The following TAF3 variants were observed in gnomAD, a reference collection of about 807,000 sequenced individuals.
TAF3 encodes the protein transcription initiation factor TFIID subunit 3.
In TAF3, 7 loss-of-function variants were observed where a neutral mutation model predicts 80.6. The observed-to-expected ratio is 0.09, with a 90% CI of 0.05 to 0.16. The LOEUF is 0.16. Among genes scored for constraint, TAF3 ranks in the 10% least tolerant of loss-of-function variants. The pLI, the probability that TAF3 is intolerant of heterozygous loss-of-function variation, is 1.00. For missense variants in TAF3, 921 were observed against 1,140.2 expected (o/e 0.81, Z 2.77); for synonymous variants, 444 against 446.1 (o/e 1.00, Z 0.06).
At chr10:7,987,145 G>A (rs532572851) in intron 4 of TAF3, among the ~76,000 whole-genome samples, 12 of 152,162 alleles carry the variant, frequency 7.9e-5, no homozygotes, top group African/African-American at 2.9e-4. Context: ...AACGTGACAA[G>A]ATCCTGTCTC....
Position 7,890,985 on chromosome 10 carries a change from G to T in TAF3, c.409+66425G>T, listed in dbSNP as rs551199842. 2.0e-5 allele frequency among the ~76,000 whole-genome samples: 3 copies of T among 152,366 alleles called. No individual in the cohort carries two copies. In the South Asian group the frequency reaches 6.2e-4, roughly 32 times the overall value. ...AGCGTAACTGAATTTTGCTAAGCATGTAGCTGAACTTGCGGATGCCAGTAC... is the reference window on the plus strand; with the variant it reads ...AGCGTAACTGAATTTTGCTAAGCATTTAGCTGAACTTGCGGATGCCAGTAC... On this transcript the variant is annotated intron_variant, in intron 2 of 6. Coordinates refer to ENST00000344293, the MANE Select transcript of TAF3 (RefSeq NM_031923.4).
chr10:8,006,441 A>G (rs1344497630), intron 4 of TAF3, among the ~76,000 whole-genome samples: 1 of 152,134 alleles, frequency 6.6e-6, no homozygotes, highest in African/African-American at 2.4e-5. Context: ...CTGGCCCACA[A>G]TTGGCTTTCA....
chr10:7,954,245 A>C (rs1838112721), intron 2 of TAF3, among the ~76,000 whole-genome samples: 1 of 137,998 alleles, frequency 7.2e-6, no homozygotes, highest in African/African-American at 2.6e-5. Context: ...TTCAGAGTGC[A>C]CTCCATAGGT....
rs560398006 is a variant in TAF3, at chr10:7,919,204, T to A, written c.410-44716T>A. On this transcript the variant is annotated intron_variant, in intron 2 of 6. Transcript: ENST00000344293. ...TGTCCTAGGAGGCCTAGCTTCTGGCTAAGGTAATGGGGGATGTAAAATGTG... is the reference window on the plus strand; with the variant it reads ...TGTCCTAGGAGGCCTAGCTTCTGGCAAAGGTAATGGGGGATGTAAAATGTG... 4.6e-5 allele frequency among the ~76,000 whole-genome samples: 7 copies of A among 152,298 alleles called. No homozygotes were observed. The East Asian group carries it at 1.4e-3, about 29-fold the overall frequency.
chr10:7,836,595 C>T (rs2131109971), intron 2 of TAF3, among the ~76,000 whole-genome samples: 1 of 152,236 alleles, frequency 6.6e-6, no homozygotes, highest in South Asian at 2.1e-4. Flanking sequence ...TTTCTTACCA[C>T]GAATACACCT....
At chr10:7,839,043 G>A (rs1052263844) in intron 2 of TAF3, among the ~76,000 whole-genome samples, 1 of 151,572 alleles carries the variant, frequency 6.6e-6, no homozygotes, top group South Asian at 2.1e-4. Flanking sequence ...ACGTGTCTTA[G>A]CATAAACCTA....
intron 2 of TAF3, chr10:7,833,842 T>C: frequency 1.3e-6 from 1 of 757,554 alleles, no homozygotes; most frequent in Non-Finnish European, 1.8e-6. Context: ...TCTCCCTTCC[T>C]GGGGACCGAG....
chr10:7,929,262 T>G (rs1359073310), intron 2 of TAF3, among the ~76,000 whole-genome samples: 1 of 151,616 alleles, frequency 6.6e-6, no homozygotes, highest in Non-Finnish European at 1.5e-5. Flanking sequence ...TTTTGTTGTT[T>G]TTTTTTTGGT....
intron 2 of TAF3, among the ~76,000 whole-genome samples, chr10:7,932,236 C>T: frequency 6.6e-6 from 1 of 152,050 alleles, no homozygotes; most frequent in East Asian, 1.9e-4. Flanking sequence ...AAGGAATGAC[C>T]TGTGCACTAA....
chr10:8,010,130 C>T (rs1832040352), intron 5 of TAF3, among the ~76,000 whole-genome samples: 1 of 152,144 alleles, frequency 6.6e-6, no homozygotes, highest in Non-Finnish European at 1.5e-5. Flanking sequence ...TGGTCTTGAG[C>T]TCCTGAGCTC....
intron 2 of TAF3, among the ~76,000 whole-genome samples, chr10:7,843,218 C>G (rs929427644): frequency 6.6e-6 from 1 of 152,106 alleles, no homozygotes; most frequent in African/African-American, 2.4e-5. Flanking sequence ...AGCAATCCTC[C>G]CACCTCAGCC....
intron 2 of TAF3, among the ~76,000 whole-genome samples, chr10:7,825,767 A>G (rs1277201078): frequency 2.0e-5 from 3 of 151,948 alleles, no homozygotes; most frequent in Non-Finnish European, 2.9e-5. Flanking sequence ...GGTTGTTTCA[A>G]CCTTTTGGCT....
At chr10:7,876,082 T>C (rs934253144) in intron 2 of TAF3, among the ~76,000 whole-genome samples, 1 of 152,038 alleles carries the variant, frequency 6.6e-6, no homozygotes, top group African/African-American at 2.4e-5. Flanking sequence ...ATAATTTATC[T>C]TGTCTGTATA....
intron 4 of TAF3, among the ~76,000 whole-genome samples, chr10:8,008,549 C>T (rs1180088932): frequency 6.6e-6 from 1 of 152,222 alleles, no homozygotes; most frequent in East Asian, 1.9e-4. Context: ...TTAAGCTGCT[C>T]TGTCCAGCAG....
At position 7,852,681 on chromosome 10, in the gene TAF3, G is replaced by GA. The variant is rs556156732; in HGVS notation, c.409+28123dup. On this transcript the variant is annotated intron_variant, in intron 2 of 6. Transcript: ENST00000344293. Reference sequence around the variant, plus strand: ...ATAATATCAACATAATATCATTTGTGAATGTGTGGGTGTGATTTTAGCAAA... The same window carrying GA: ...ATAATATCAACATAATATCATTTGTGAAATGTGTGGGTGTGATTTTAGCAAA... Among the ~76,000 whole-genome samples, 768 of 152,314 alleles carry GA rather than the reference G, an allele frequency of 5.0e-3. 2 individuals carry two copies. The highest frequency in any genetic ancestry group is 8.6e-3 in the Non-Finnish European group (582 of 68,024).
At chr10:7,828,747 A>C (rs577520174) in intron 2 of TAF3, among the ~76,000 whole-genome samples, 1 of 151,858 alleles carries the variant, frequency 6.6e-6, no homozygotes, top group Non-Finnish European at 1.5e-5. Context: ...TAAGAAAGAA[A>C]TATAGGCTGG....
chr10:7,858,629 C>T (rs1037211454), intron 2 of TAF3, among the ~76,000 whole-genome samples: 1 of 152,130 alleles, frequency 6.6e-6, no homozygotes, highest in South Asian at 2.1e-4. Flanking sequence ...TGTGTTCTGC[C>T]TGTCAATATA....
chr10:7,830,731 G>A (rs555164378), intron 2 of TAF3, among the ~76,000 whole-genome samples: 15 of 152,180 alleles, frequency 9.9e-5, no homozygotes, highest in African/African-American at 3.6e-4. Flanking sequence ...TGATCCGCCA[G>A]CCTCGGCCTC....
chr10:7,837,201 A>G (rs1405707340), intron 2 of TAF3, among the ~76,000 whole-genome samples: 1 of 152,220 alleles, frequency 6.6e-6, no homozygotes, highest in East Asian at 1.9e-4. Context: ...TGTCTCTACT[A>G]AAAATACAAA....
Sources: gnomAD v4.1 joint callset for allele counts (sites outside exome capture counted in the v4.1 genomes callset) on GRCh38, gnomAD v4.1.1 for gene constraint, MANE v1.5 for transcripts, NCBI Gene and HGNC (gene_info 2026-07-23, HGNC 2026-07-21) for gene names.